CAMKMT: variants seen among roughly 807,000 people sequenced by gnomAD.
The protein encoded by CAMKMT is CaM KMT.
A neutral mutation model predicts 48.0 loss-of-function variants in CAMKMT; 53 were observed. The observed-to-expected ratio is 1.10, with a 90% CI of 0.89 to 1.39. The LOEUF (loss-of-function observed/expected upper bound fraction) is 1.39. Ranked by LOEUF, CAMKMT falls within the 40% of genes most tolerant of loss-of-function variation. The pLI is 0.00. For synonymous variants in CAMKMT, 165 were observed against 152.3 expected, an observed-to-expected ratio of 1.08 and a Z score of -0.61; for missense variants, 428 against 402.7, an observed-to-expected ratio of 1.06 and a Z score of -0.54.
intron 5 of CAMKMT, among the ~76,000 whole-genome samples, chr2:44,706,863 A>T (rs1248849424): frequency 1.3e-5 from 2 of 152,092 alleles, no homozygotes; most frequent in Non-Finnish European, 2.9e-5. Flanking sequence ...AGTGCATTAG[A>T]CAAGTTTTTA....
intron 3 of CAMKMT, among the ~76,000 whole-genome samples, chr2:44,476,388 C>T (rs1478139455): frequency 3.9e-5 from 6 of 152,076 alleles, no homozygotes; most frequent in African/African-American, 7.2e-5. Flanking sequence ...ATAACATATT[C>T]TTAAAATGGG....
chr2:44,396,861 C>A (rs1681896264), intron 3 of CAMKMT, among the ~76,000 whole-genome samples: 1 of 151,780 alleles, frequency 6.6e-6, no homozygotes, highest in Admixed American at 6.6e-5. Context: ...GAGATCGAGA[C>A]CATCCTGGCC....
chr2:44,431,053 A>G (rs1684619086), intron 3 of CAMKMT, among the ~76,000 whole-genome samples: 1 of 152,220 alleles, frequency 6.6e-6, no homozygotes, highest in South Asian at 2.1e-4. Context: ...TTCTCTTACA[A>G]ATATGCAGGT....
At chr2:44,374,600 A>T (rs1319909946) in intron 2 of CAMKMT, among the ~76,000 whole-genome samples, 1 of 152,222 alleles carries the variant, frequency 6.6e-6, no homozygotes, top group Non-Finnish European at 1.5e-5. Flanking sequence ...TCTTCTTGAG[A>T]TCTTTCAAAG....
chr2:44,669,135 G>A (rs988310799), intron 3 of CAMKMT, among the ~76,000 whole-genome samples: 3 of 152,036 alleles, frequency 2.0e-5, no homozygotes, highest in African/African-American at 7.2e-5. Context: ...ATATACATAT[G>A]TATCCCTAAA....
chr2:44,421,313 A>C (rs1683922642), intron 3 of CAMKMT, among the ~76,000 whole-genome samples: 1 of 152,288 alleles, frequency 6.6e-6, no homozygotes, highest in African/African-American at 2.4e-5. Context: ...AATTTTATTT[A>C]CATGTTTGAT....
intron 3 of CAMKMT, among the ~76,000 whole-genome samples, chr2:44,399,223 T>C (rs1311224248): frequency 1.3e-5 from 2 of 152,202 alleles, no homozygotes; most frequent in African/African-American, 4.8e-5. Context: ...AATTTCTGAT[T>C]GATTTTCTAC....
intron 3 of CAMKMT, among the ~76,000 whole-genome samples, chr2:44,638,557 A>T: frequency 6.6e-6 from 1 of 152,240 alleles, no homozygotes; most frequent in Admixed American, 6.5e-5. Context: ...TCCTCAGAGT[A>T]TCTATTGTCT....
At chr2:44,647,907 C>CAAGAAAA (rs1673831935) in intron 3 of CAMKMT, among the ~76,000 whole-genome samples, 1 of 29,518 alleles carries the variant, frequency 3.4e-5, no homozygotes, top group Non-Finnish European at 7.0e-5. Context: ...GACTCCGTCT[C>CAAGAAAA]AAAAAAAAAA....
At chr2:44,497,526 A>G (rs1572651460) in intron 3 of CAMKMT, among the ~76,000 whole-genome samples, 1 of 152,132 alleles carries the variant, frequency 6.6e-6, no homozygotes, top group African/African-American at 2.4e-5. Flanking sequence ...AAACAAACAT[A>G]TTTGTATAGA....
chr2:44,656,524 C>T (rs1217500198), intron 3 of CAMKMT, among the ~76,000 whole-genome samples: 1 of 152,040 alleles, frequency 6.6e-6, no homozygotes, highest in Non-Finnish European at 1.5e-5. Flanking sequence ...AATTCTGGGC[C>T]ATGGCTACAT....
chr2:44,507,240 T>G (rs1401092810), intron 3 of CAMKMT, among the ~76,000 whole-genome samples: 1 of 152,214 alleles, frequency 6.6e-6, no homozygotes, highest in Admixed American at 6.5e-5. Flanking sequence ...CTTGCTTCAG[T>G]AAATTCTTTT....
chr2:44,387,362 A>T (rs141905298), intron 2 of CAMKMT, among the ~76,000 whole-genome samples: 1 of 151,732 alleles, frequency 6.6e-6, no homozygotes, highest in African/African-American at 2.4e-5. Context: ...ATCCATTTGC[A>T]TGAAATGCCT....
At position 44,597,552 on chromosome 2, in the gene CAMKMT, C is replaced by T. The variant is rs571006831; in HGVS notation, c.377-106731C>T. Among the ~76,000 whole-genome samples, 3 of 152,246 alleles carry T rather than the reference C, an allele frequency of 2.0e-5. No homozygotes were observed. The East Asian group carries it at 5.8e-4, about 29-fold the overall frequency. ...CCCTTTAGCTCAGAGGTTCTTAACCCTTGCTGTGTCATGAGCCCCTTTGGT... is the reference window on the plus strand; with the variant it reads ...CCCTTTAGCTCAGAGGTTCTTAACCTTTGCTGTGTCATGAGCCCCTTTGGT... On this transcript the variant is annotated intron_variant, in intron 3 of 10. Transcript: ENST00000378494.
At chr2:44,414,242 C>A (rs1683401401) in intron 3 of CAMKMT, among the ~76,000 whole-genome samples, 1 of 152,084 alleles carries the variant, frequency 6.6e-6, no homozygotes, top group African/African-American at 2.4e-5. Flanking sequence ...TAGCACATTG[C>A]CCCAAATTTA....
At chr2:44,646,148 A>C (rs1673717995) in intron 3 of CAMKMT, among the ~76,000 whole-genome samples, 1 of 152,176 alleles carries the variant, frequency 6.6e-6, no homozygotes, top group Admixed American at 6.5e-5. Flanking sequence ...TAGTCTGCCA[A>C]AATTATGATG....
At chr2:44,703,994 A>G (rs949818006) in intron 3 of CAMKMT, among the ~76,000 whole-genome samples, 2 of 152,118 alleles carry the variant, frequency 1.3e-5, no homozygotes, top group African/African-American at 4.8e-5. Context: ...TACCATCAAA[A>G]TTTAACTTGA....
At chr2:44,616,643 A>T (rs1671907488) in intron 3 of CAMKMT, among the ~76,000 whole-genome samples, 1 of 152,210 alleles carries the variant, frequency 6.6e-6, no homozygotes, top group Non-Finnish European at 1.5e-5. Flanking sequence ...ACAAACTAAG[A>T]TATCCTCTGA....
chr2:44,592,040 A>G (rs900235446), intron 3 of CAMKMT, among the ~76,000 whole-genome samples: 4 of 150,536 alleles, frequency 2.7e-5, no homozygotes, highest in African/African-American at 9.8e-5. Context: ...AGGAAGGGGA[A>G]CATCACACTC....
Sources: gnomAD v4.1 joint callset for allele counts (sites outside exome capture counted in the v4.1 genomes callset) on GRCh38, gnomAD v4.1.1 for gene constraint, MANE v1.5 for transcripts, NCBI Gene and HGNC (gene_info 2026-07-23, HGNC 2026-07-21) for gene names.